L3MBTL3: variants seen among roughly 807,000 people sequenced by gnomAD.
L3MBTL3 encodes lethal(3)malignant brain tumor-like protein 3.
In L3MBTL3, 27 loss-of-function variants were observed where a neutral mutation model predicts 102.3. The ratio of observed to expected loss-of-function variants is 0.26; its 90% confidence interval spans 0.19 to 0.36. The LOEUF (loss-of-function observed/expected upper bound fraction) is 0.36, where lower values mean the gene tolerates loss of function less well. Ranked by LOEUF, L3MBTL3 falls within the 10% of genes least tolerant of loss-of-function variation. The pLI, the probability that L3MBTL3 is intolerant of heterozygous loss-of-function variation, is 1.00. For missense variants in L3MBTL3, 798 were observed against 955.3 expected (o/e 0.84, Z 2.17); for synonymous variants, 340 against 320.9 (o/e 1.06, Z -0.64).
At chr6:130,056,805 T>G (rs1781539037) in intron 8 of L3MBTL3, among the ~76,000 whole-genome samples, 2 of 152,210 alleles carry the variant, frequency 1.3e-5, no homozygotes. Context: ...ATACTCTACC[T>G]TAGCCTGTTC....
chr6:130,030,656 G>C (rs909972775), intron 2 of L3MBTL3, among the ~76,000 whole-genome samples: 19 of 101,928 alleles, frequency 1.9e-4, no homozygotes, highest in Non-Finnish European at 1.7e-5. Flanking sequence ...GACACAGCAA[G>C]ACTCTACCTA....
intron 3 of L3MBTL3, among the ~76,000 whole-genome samples, chr6:130,044,884 G>T (rs1780631158): frequency 6.6e-6 from 1 of 152,074 alleles, no homozygotes; most frequent in South Asian, 2.1e-4. Flanking sequence ...AATGAATCAT[G>T]AAATTTTCTC....
chr6:130,066,914 G>A lies in L3MBTL3; in HGVS notation c.1000+426G>A, dbSNP rs114497108. 1.6e-3 allele frequency among the ~76,000 whole-genome samples: 251 copies of A among 152,168 alleles called. 3 individuals carry two copies. Among genetic ancestry groups the A allele is most frequent in the African/African-American group, 5.6e-3 (233 of 41,512 alleles). On this transcript the variant is annotated intron_variant, in intron 11 of 22. Coordinates refer to ENST00000361794, the MANE Select transcript of L3MBTL3 (RefSeq NM_032438.4). ...AAATCCTGAGAAATTATGCTTGACC[G>A]TATAGATCTTAATATTTAGGAGATT...
At position 130,104,443 on chromosome 6, in the gene L3MBTL3, A is replaced by G; in HGVS notation, c.1754A>G (p.Tyr585Cys). Reference sequence around the variant, plus strand: ...TCTGTTAGTGCTGCCAACTGTCCCTATTCAGAAATCAATTTGAATAAAGAC... The same window carrying G: ...TCTGTTAGTGCTGCCAACTGTCCCTGTTCAGAAATCAATTTGAATAAAGAC... ...LGPHSAANCPYSEINLNKDRI... is the reference protein window; with the variant it reads ...LGPHSAANCPCSEINLNKDRI... Residue 585 changes from tyrosine (Y) to cysteine (C), a missense_variant, in exon 19 of 23, where the codon TAT becomes TGT. Tyr to Cys is a radical substitution (Grantham distance 194). Around this residue, in one of 4 missense-constraint regions of L3MBTL3, gnomAD observed 306 missense variants for 314.4 expected, o/e 0.97. Coordinates refer to ENST00000361794, the MANE Select transcript of L3MBTL3 (RefSeq NM_032438.4). 1 of 1,565,736 alleles carries G rather than the reference A, an allele frequency of 6.4e-7. No individual in the cohort carries two copies. The highest frequency in any genetic ancestry group is 8.6e-7 in the Non-Finnish European group (1 of 1,158,908).
At chr6:130,052,318 G>T (rs1019114157) in intron 6 of L3MBTL3, among the ~76,000 whole-genome samples, 1 of 151,802 alleles carries the variant, frequency 6.6e-6, no homozygotes, top group Non-Finnish European at 1.5e-5. Flanking sequence ...TGTTAGCCAG[G>T]ATGGTCTCAA....
At chr6:130,107,240 G>A (rs1438623002) in intron 19 of L3MBTL3, among the ~76,000 whole-genome samples, 1 of 152,192 alleles carries the variant, frequency 6.6e-6, no homozygotes, top group African/African-American at 2.4e-5. Flanking sequence ...TCTGTACCAG[G>A]TTTGGCCAAA....
At chr6:130,092,955 CT>C (rs1784148110) in intron 17 of L3MBTL3, 96 bp downstream of exon 17, 1 of 708,692 alleles carries the variant, frequency 1.4e-6, no homozygotes, top group Non-Finnish European at 2.5e-6. Context: ...CCTCCTCTCT[CT>C]ACTGATGTTT....
intron 8 of L3MBTL3, among the ~76,000 whole-genome samples, chr6:130,056,774 C>A (rs931410183): frequency 6.6e-6 from 1 of 152,030 alleles, no homozygotes; most frequent in Non-Finnish European, 1.5e-5. Context: ...TTAAGTTTTC[C>A]GATTTTTTTC....
At chr6:130,092,692 T>G in intron 16 of L3MBTL3, 53 bp from the exon 17 acceptor site, 1 of 1,106,682 alleles carries the variant, frequency 9.0e-7, no homozygotes, top group Non-Finnish European at 1.4e-6. Flanking sequence ...GAACTTTGAC[T>G]GTAGGAACTT....
intron 2 of L3MBTL3, among the ~76,000 whole-genome samples, chr6:130,028,605 T>C (rs1354731659): frequency 1.3e-5 from 2 of 152,204 alleles, no homozygotes; most frequent in Admixed American, 1.3e-4. Flanking sequence ...CAACAGACCT[T>C]AATTCCAATA....
Position 130,092,812 on chromosome 6 carries a change from C to T in L3MBTL3, c.1586C>T (p.Pro529Leu). The stretch of plus-strand genomic sequence containing the variant: ...GATGCAGATTCTCCTGATATTCACC[C>T]TGTAGGCTGGTGTTCAAAAACAGGA... Reference protein sequence around the residue: ...WIDADSPDIHPVGWCSKTGHP... With the variant: ...WIDADSPDIHLVGWCSKTGHP... Residue 529 changes from proline to leucine, a missense_variant, in exon 17 of 23, where the codon CCT (proline) becomes CTT (leucine). Physicochemically the swap from Pro to Leu is moderately conservative, Grantham distance 98. Coordinates refer to ENST00000361794, the MANE Select transcript of L3MBTL3 (RefSeq NM_032438.4). 6.2e-7 allele frequency: 1 copy of T among 1,613,250 alleles called. No individual in the cohort carries two copies. Among genetic ancestry groups the T allele is most frequent in the South Asian group, 1.1e-5 (1 of 91,044 alleles).
chr6:130,096,351 T>C (rs73602310), intron 18 of L3MBTL3, among the ~76,000 whole-genome samples: 20,645 of 152,180 alleles, frequency 0.14, 3,946 homozygotes, highest in African/African-American at 0.43. Flanking sequence ...TATCAGAACT[T>C]TGGCACACAT....
chr6:130,049,526 C>A, intron 4 of L3MBTL3, 133 bp downstream of exon 4: 1 of 726,162 alleles, frequency 1.4e-6, no homozygotes, highest in Non-Finnish European at 2.2e-6. Flanking sequence ...AGGTAAATTT[C>A]TATAATGAAA....
chr6:130,028,790 G>A (rs139836470), intron 2 of L3MBTL3, among the ~76,000 whole-genome samples: 216 of 152,294 alleles, frequency 1.4e-3, no homozygotes, highest in African/African-American at 5.1e-3. Flanking sequence ...TGTTTAAGAG[G>A]TTTGAATTTA....
intron 12 of L3MBTL3, among the ~76,000 whole-genome samples, chr6:130,070,448 A>C (rs1331571220): frequency 6.6e-6 from 1 of 152,208 alleles, no homozygotes; most frequent in Admixed American, 6.5e-5. Context: ...TAAAAGTTGT[A>C]ATAATTTGCA....
At chr6:130,096,971 G>T (rs1784396857) in intron 18 of L3MBTL3, among the ~76,000 whole-genome samples, 1 of 152,136 alleles carries the variant, frequency 6.6e-6, no homozygotes, top group African/African-American at 2.4e-5. Context: ...CAGATTTTGT[G>T]CCTTGGGCAG....
intron 19 of L3MBTL3, among the ~76,000 whole-genome samples, chr6:130,117,863 C>CTTTTT (rs56787867): frequency 1.9e-5 from 1 of 53,052 alleles, no homozygotes; most frequent in Non-Finnish European, 3.4e-5. Flanking sequence ...GCACGCCTGA[C>CTTTTT]TTTTTTTTTT....
intron 2 of L3MBTL3, among the ~76,000 whole-genome samples, chr6:130,024,850 T>G (rs1201078973): frequency 1.3e-5 from 2 of 152,186 alleles, no homozygotes; most frequent in Non-Finnish European, 2.9e-5. Context: ...TTGCACATGG[T>G]ACCATTAGGA....
chr6:130,060,037 A>G lies in L3MBTL3; in HGVS notation c.761A>G (p.His254Arg), dbSNP rs1293556775. 6 of 1,601,694 alleles carry G rather than the reference A, an allele frequency of 3.7e-6. No individual in the cohort carries two copies. Among genetic ancestry groups the G allele is most frequent in the African/African-American group, 2.7e-5 (2 of 74,720 alleles). Residue 254 changes from histidine (H) to arginine (R), a missense_variant and splice_region_variant, in exon 10 of 23, where the codon CAT becomes CGT. This residue lies in a region of L3MBTL3 where 434 missense variants were observed against 506.6 expected (regional missense o/e 0.86). Transcript: ENST00000361794. Reference sequence around the variant, plus strand: ...AACTGCTCTCATTTTGCATTTTAGCATCAATCCTTTCCATATAACAAAAAT... The same window carrying G: ...AACTGCTCTCATTTTGCATTTTAGCGTCAATCCTTTCCATATAACAAAAAT... ...VAVPAKLFKE[H>R]QSFPYNKNGF...
Sources: gnomAD v4.1 joint callset for allele counts (sites outside exome capture counted in the v4.1 genomes callset) on GRCh38, gnomAD v4.1.1 for gene constraint, gnomAD v4.1.1 regional missense constraint, MANE v1.5 for transcripts, NCBI Gene and HGNC (gene_info 2026-07-23, HGNC 2026-07-21) for gene names.